Variants in ZFHX3 observed in about 807,000 individuals in gnomAD.
ZFHX3 encodes zinc finger homeobox 3.
ZFHX3 carries 42 observed loss-of-function variants against 279.1 expected under a neutral mutation model. That is an observed-to-expected ratio of 0.15 (90% CI 0.12 to 0.19). The LOEUF (loss-of-function observed/expected upper bound fraction) is 0.19. ZFHX3 is among the 10% of genes least tolerant of loss of function. The probability of loss-of-function intolerance (pLI) is 1.00; values close to 1 mark genes in which losing one functional copy is unlikely to be tolerated. For synonymous variants in ZFHX3, 2,293 were observed against 1,957.8 expected (o/e 1.17, Z -4.52); for missense variants, 4,981 against 4,754.0 (o/e 1.05, Z -1.40).
intron 1 of ZFHX3, among the ~76,000 whole-genome samples, chr16:73,811,972 C>A (rs994803351): frequency 3.3e-5 from 5 of 152,176 alleles, no homozygotes; most frequent in Non-Finnish European, 5.9e-5. Flanking sequence ...TGCAACAATT[C>A]TCTTACTATC....
intron 3 of ZFHX3, among the ~76,000 whole-genome samples, chr16:72,931,729 T>C (rs1024797176): frequency 2.6e-5 from 4 of 152,138 alleles, no homozygotes; most frequent in Non-Finnish European, 5.9e-5. Flanking sequence ...AGGACACTGA[T>C]GTGAACATTA....
chr16:73,397,387 G>C (rs2017152092), intron 3 of ZFHX3, among the ~76,000 whole-genome samples: 2 of 152,336 alleles, frequency 1.3e-5, no homozygotes, highest in South Asian at 2.1e-4. Flanking sequence ...GTGAGGTTGA[G>C]AGGAGGCAGA....
chr16:73,215,964 C>T (rs2012191654), intron 5 of ZFHX3, among the ~76,000 whole-genome samples: 1 of 152,050 alleles, frequency 6.6e-6, no homozygotes, highest in Admixed American at 6.6e-5. Flanking sequence ...TGCTTTTATA[C>T]TCAGATGATC....
At chr16:73,056,843 T>C (rs1965566680) in intron 1 of ZFHX3, among the ~76,000 whole-genome samples, 4 of 152,318 alleles carry the variant, frequency 2.6e-5, no homozygotes, top group South Asian at 4.1e-4. Context: ...TCCAAATAAG[T>C]TGGTCTGCAA....
chr16:72,907,545 TTGTGTG>T (rs547618913), intron 3 of ZFHX3, among the ~76,000 whole-genome samples: 10,942 of 120,254 alleles, frequency 0.091, 621 homozygotes, highest in Middle Eastern at 0.12. Flanking sequence ...TTTCCTCTAT[TTGTGTG>T]TGTGTGTGTG....
intron 1 of ZFHX3, among the ~76,000 whole-genome samples, chr16:72,997,480 G>A (rs900203136): frequency 6.6e-6 from 1 of 152,308 alleles, no homozygotes; most frequent in Admixed American, 6.5e-5. Context: ...AGGAGGCAGC[G>A]ACTCAGTCTT....
chr16:73,247,291 G>T (rs1191361826), intron 5 of ZFHX3, among the ~76,000 whole-genome samples: 1 of 151,880 alleles, frequency 6.6e-6, no homozygotes, highest in African/African-American at 2.4e-5. Flanking sequence ...ATGTGTCTGT[G>T]TGTCTATGTG....
chr16:73,819,135 T>G (rs931178763), intron 1 of ZFHX3, among the ~76,000 whole-genome samples: 25 of 152,014 alleles, frequency 1.6e-4, no homozygotes, highest in African/African-American at 4.4e-4. Flanking sequence ...ACCAATGGCA[T>G]AGCAATGTCT....
At chr16:73,346,272 G>T (rs2016122006) in intron 3 of ZFHX3, among the ~76,000 whole-genome samples, 1 of 152,126 alleles carries the variant, frequency 6.6e-6, no homozygotes, top group Non-Finnish European at 1.5e-5. Context: ...CCAGACCACT[G>T]AAAGCTTGTC....
intron 1 of ZFHX3, among the ~76,000 whole-genome samples, chr16:73,772,218 C>A (rs892010951): frequency 6.6e-6 from 1 of 152,144 alleles, no homozygotes; most frequent in African/African-American, 2.4e-5. Flanking sequence ...TACAGACATA[C>A]CTGAGACTGG....
chr16:73,368,308 G>A (rs2016565834), intron 3 of ZFHX3, among the ~76,000 whole-genome samples: 1 of 152,220 alleles, frequency 6.6e-6, no homozygotes, highest in African/African-American at 2.4e-5. Context: ...CATGATATGA[G>A]TAAGCTCCTA....
At position 72,783,114 on chromosome 16, in the gene ZFHX3, A is replaced by G. The variant is rs2035193489; in HGVS notation, c.*4050T>C. 1 of 152,618 alleles carries G rather than the reference A, an allele frequency of 6.6e-6. No individual in the cohort carries two copies. The highest frequency in any genetic ancestry group is 1.5e-5 in the Non-Finnish European group (1 of 68,036). The allele number at this position is 152,618 out of a possible 1,614,324, so 9.5% of individuals were successfully genotyped here. The stretch of plus-strand genomic sequence containing the variant: ...GCATTGTTACAGTAACAAAAAAGCT[A>G]ACAAGACTACATTATAGAAAAACAC... On this transcript the variant is annotated 3_prime_UTR_variant, in exon 10 of 10. Coordinates refer to ENST00000268489, the MANE Select transcript of ZFHX3 (RefSeq NM_006885.4).
intron 3 of ZFHX3, among the ~76,000 whole-genome samples, chr16:73,357,678 G>A (rs2016366692): frequency 6.6e-6 from 1 of 152,198 alleles, no homozygotes; most frequent in Admixed American, 6.5e-5. Context: ...GGAGTGGTAG[G>A]GTTCAGGCTG....
At chr16:73,786,836 C>A (rs74758040) in intron 1 of ZFHX3, among the ~76,000 whole-genome samples, 2,250 of 152,192 alleles carry the variant, frequency 0.015, 59 homozygotes, top group African/African-American at 0.052. Context: ...AGCCAGTTGT[C>A]CTATTCCTAG....
intron 1 of ZFHX3, among the ~76,000 whole-genome samples, chr16:73,756,566 G>A (rs1224909430): frequency 6.8e-6 from 1 of 148,016 alleles, no homozygotes; most frequent in Non-Finnish European, 1.5e-5. Flanking sequence ...TGGGGAGGGA[G>A]ACCAAGCTGA....
chr16:73,293,257 A>T (rs903652321), intron 4 of ZFHX3, among the ~76,000 whole-genome samples: 3 of 152,178 alleles, frequency 2.0e-5, no homozygotes, highest in African/African-American at 7.2e-5. Context: ...AGCTGGTAAA[A>T]GTTTGGGAAA....
chr16:73,776,195 C>A (rs1227151489), intron 1 of ZFHX3, among the ~76,000 whole-genome samples: 1 of 152,090 alleles, frequency 6.6e-6, no homozygotes, highest in Non-Finnish European at 1.5e-5. Flanking sequence ...CCTCCTGGGT[C>A]TGAGCAGGCA....
intron 3 of ZFHX3, among the ~76,000 whole-genome samples, chr16:73,326,812 A>G (rs1236598007): frequency 2.6e-5 from 4 of 152,220 alleles, no homozygotes; most frequent in Non-Finnish European, 5.9e-5. Flanking sequence ...CTGAAGCTAT[A>G]GCCCCTATTT....
chr16:73,289,577 T>A (rs1423731), intron 4 of ZFHX3, among the ~76,000 whole-genome samples: 65,388 of 151,532 alleles, frequency 0.43, 15,110 homozygotes, highest in East Asian at 0.66. Flanking sequence ...ACAGCTGAGG[T>A]CCTAGGCTGG....
Sources: allele counts gnomAD v4.1 joint callset (sites outside exome capture counted in the v4.1 genomes callset), GRCh38; gene constraint gnomAD v4.1.1; transcripts MANE v1.5; gene names NCBI Gene and HGNC (gene_info 2026-07-23, HGNC 2026-07-21).